The following PCDH15 variants were observed in gnomAD, a reference collection of about 807,000 sequenced individuals.
The protein encoded by PCDH15 is protocadherin-15.
PCDH15 carries 129 observed loss-of-function variants against 178.5 expected under a neutral mutation model. That is an observed-to-expected ratio of 0.72 (90% CI 0.63 to 0.84). The LOEUF (loss-of-function observed/expected upper bound fraction) is 0.84, where lower values mean the gene tolerates loss of function less well. Among genes scored for constraint, PCDH15 ranks in the 40% least tolerant of loss-of-function variants. The pLI is 0.00. For missense variants in PCDH15, 2,230 were observed against 2,099.9 expected, an observed-to-expected ratio of 1.06 and a Z score of -1.21; for synonymous variants, 800 against 732.0, an observed-to-expected ratio of 1.09 and a Z score of -1.50.
intron 1 of PCDH15, among the ~76,000 whole-genome samples, chr10:55,172,898 T>C (rs1019634010): frequency 2.6e-5 from 4 of 151,824 alleles, no homozygotes; most frequent in African/African-American, 9.7e-5. Context: ...TCTTTGAGAG[T>C]TGCAAGCACT....
intron 14 of PCDH15, among the ~76,000 whole-genome samples, chr10:54,146,533 T>C (rs923791768): frequency 6.6e-6 from 1 of 151,846 alleles, no homozygotes; most frequent in Non-Finnish European, 1.5e-5. Flanking sequence ...CAAAATAACT[T>C]AAGTGTTTTT....
intron 2 of PCDH15, among the ~76,000 whole-genome samples, chr10:55,131,535 T>A (rs1261610462): frequency 6.6e-6 from 1 of 152,172 alleles, no homozygotes; most frequent in Non-Finnish European, 1.5e-5. Context: ...GTCCTGAGTT[T>A]TTGTCTCATG....
chr10:54,302,916 T>A (rs1470409699), intron 8 of PCDH15, among the ~76,000 whole-genome samples: 4 of 152,172 alleles, frequency 2.6e-5, no homozygotes, highest in African/African-American at 9.6e-5. Context: ...ATCAAAGTGT[T>A]TCATGTACCC....
intron 2 of PCDH15, among the ~76,000 whole-genome samples, chr10:55,395,875 A>C (rs1032656629): frequency 2.6e-5 from 4 of 152,118 alleles, no homozygotes; most frequent in Non-Finnish European, 4.4e-5. Context: ...ATATAAAACA[A>C]ACTTATTATA....
intron 3 of PCDH15, among the ~76,000 whole-genome samples, chr10:54,503,209 C>T (rs1485435135): frequency 2.3e-5 from 3 of 129,194 alleles, no homozygotes; most frequent in Non-Finnish European, 4.9e-5. Context: ...AAATCCCAGG[C>T]CAAATATACA....
intron 25 of PCDH15, among the ~76,000 whole-genome samples, chr10:53,909,470 T>C (rs961221421): frequency 2.0e-5 from 3 of 152,216 alleles, no homozygotes; most frequent in Non-Finnish European, 1.5e-5. Flanking sequence ...TACTCTATTT[T>C]ATTCCTGTAA....
chr10:54,136,398 AT>A lies in PCDH15; in HGVS notation c.1785-3392del, dbSNP rs34653991. Among the ~76,000 whole-genome samples, 1,449 of 145,458 alleles carry A rather than the reference AT, an allele frequency of 1.0e-2. 18 individuals are homozygous for A. Among genetic ancestry groups the A allele is most frequent in the African/African-American group, 0.028 (1,128 of 39,772 alleles). On this transcript the variant is annotated intron_variant, in intron 14 of 37. Transcript: ENST00000644397. ...CCAAGAGACTTCCTCACTGTTTAAC[AT>A]TTTTTTTTTTTTGACCTGGAACATA...
At chr10:54,284,087 G>A (rs1262985297) in intron 8 of PCDH15, among the ~76,000 whole-genome samples, 2 of 151,932 alleles carry the variant, frequency 1.3e-5, no homozygotes, top group Non-Finnish European at 2.9e-5. Context: ...CTTTCATCTC[G>A]GCCTCCCTAA....
At chr10:55,168,915 T>C (rs1839263309) in intron 1 of PCDH15, among the ~76,000 whole-genome samples, 1 of 152,130 alleles carries the variant, frequency 6.6e-6, no homozygotes, top group Non-Finnish European at 1.5e-5. Context: ...AGATCTTAAA[T>C]AGAGAGTGTA....
intron 23 of PCDH15, among the ~76,000 whole-genome samples, chr10:53,949,515 T>G (rs1298751146): frequency 6.6e-6 from 1 of 152,110 alleles, no homozygotes; most frequent in African/African-American, 2.4e-5. Flanking sequence ...AGTCCAAACT[T>G]GGAAGGTTTT....
intron 2 of PCDH15, among the ~76,000 whole-genome samples, chr10:54,944,142 T>A (rs907314253): frequency 6.6e-6 from 1 of 151,910 alleles, no homozygotes; most frequent in African/African-American, 2.4e-5. Flanking sequence ...AACAAAACAT[T>A]TGAAACTCAT....
chr10:54,381,708 T>C (rs1164577979), intron 3 of PCDH15, among the ~76,000 whole-genome samples: 2 of 152,002 alleles, frequency 1.3e-5, no homozygotes, highest in Non-Finnish European at 1.5e-5. Flanking sequence ...TAATCCTGAG[T>C]AGGCCTGTCT....
chr10:54,101,022 A>G (rs1008218897), intron 15 of PCDH15, among the ~76,000 whole-genome samples: 1 of 151,950 alleles, frequency 6.6e-6, no homozygotes, highest in South Asian at 2.1e-4. Context: ...CTGTGTCCCC[A>G]CCCAAATCTC....
chr10:55,527,288 C>T (rs1175126113), intron 2 of PCDH15, among the ~76,000 whole-genome samples: 2 of 151,976 alleles, frequency 1.3e-5, no homozygotes, highest in African/African-American at 4.8e-5. Flanking sequence ...AGGTGTCAGC[C>T]AGAATGGTTC....
At chr10:54,150,460 A>G (rs2044413945) in intron 14 of PCDH15, among the ~76,000 whole-genome samples, 1 of 151,998 alleles carries the variant, frequency 6.6e-6, no homozygotes, top group Admixed American at 6.6e-5. Context: ...ATATTAGTAA[A>G]CTGTATCTTT....
chr10:55,217,806 T>G (rs992236143), intron 1 of PCDH15, among the ~76,000 whole-genome samples: 6 of 151,964 alleles, frequency 3.9e-5, no homozygotes, highest in Non-Finnish European at 7.4e-5. Context: ...AATCAAATGG[T>G]ATTTTATGTC....
chr10:55,037,247 A>T (rs1043416519), intron 2 of PCDH15, among the ~76,000 whole-genome samples: 50 of 148,496 alleles, frequency 3.4e-4, no homozygotes, highest in African/African-American at 8.6e-4. Flanking sequence ...TTTTTTTTTT[A>T]TTTTGAGACG....
chr10:53,841,973 G>C (rs72793175), intron 28 of PCDH15, among the ~76,000 whole-genome samples: 17 of 147,408 alleles, frequency 1.2e-4, no homozygotes, highest in Non-Finnish European at 2.2e-4. Flanking sequence ...AAACAACCCC[G>C]GGAACCTGAA....
At chr10:53,895,155 G>C (rs2081865753) in intron 26 of PCDH15, among the ~76,000 whole-genome samples, 2 of 152,068 alleles carry the variant, frequency 1.3e-5, no homozygotes, top group African/African-American at 4.8e-5. Flanking sequence ...GGAGCCCCCA[G>C]GAGCCCCCAG....
Sources: gnomAD v4.1 joint callset for allele counts (sites outside exome capture counted in the v4.1 genomes callset) on GRCh38, gnomAD v4.1.1 for gene constraint, MANE v1.5 for transcripts, NCBI Gene and HGNC (gene_info 2026-07-23, HGNC 2026-07-21) for gene names.